The following SGCZ variants were observed in gnomAD, a reference collection of about 807,000 sequenced individuals.
SGCZ encodes sarcoglycan zeta, also known as zeta-sarcoglycan.
Under a neutral mutation model 41.3 loss-of-function variants are expected in SGCZ, and 40 were observed. The observed-to-expected ratio is 0.97, with a 90% CI of 0.75 to 1.26. The LOEUF (loss-of-function observed/expected upper bound fraction) is 1.26, where lower values mean the gene tolerates loss of function less well. SGCZ is among the 50% of genes most tolerant of loss of function. The probability of loss-of-function intolerance (pLI) is 0.00; values close to 1 mark genes in which losing one functional copy is unlikely to be tolerated. For synonymous variants in SGCZ, 206 were observed against 137.5 expected (o/e 1.50, Z -3.49); for missense variants, 552 against 369.8 (o/e 1.49, Z -4.04).
At chr8:15,170,487 T>C (rs903530556) in intron 1 of SGCZ, among the ~76,000 whole-genome samples, 1 of 152,196 alleles carries the variant, frequency 6.6e-6, no homozygotes, top group South Asian at 2.1e-4. Context: ...TCAGAGACCA[T>C]TCTGTGACCA....
intron 2 of SGCZ, among the ~76,000 whole-genome samples, chr8:14,503,027 A>G (rs113014289): frequency 0.013 from 1,980 of 152,300 alleles, 26 homozygotes; most frequent in South Asian, 0.027. Context: ...TCACAATAGC[A>G]AAGACTTGCA....
chr8:15,234,065 T>C (rs1167299831), intron 1 of SGCZ, among the ~76,000 whole-genome samples: 1 of 152,232 alleles, frequency 6.6e-6, no homozygotes, highest in Non-Finnish European at 1.5e-5. Flanking sequence ...TCATAGACTT[T>C]ATTATAACTG....
intron 5 of SGCZ, among the ~76,000 whole-genome samples, chr8:14,151,338 C>T (rs1803703054): frequency 6.6e-6 from 1 of 151,534 alleles, no homozygotes; most frequent in Admixed American, 6.6e-5. Context: ...AAAATTAAAC[C>T]ATACTATTTA....
chr8:14,632,419 T>G (rs1806688517), intron 1 of SGCZ, among the ~76,000 whole-genome samples: 1 of 152,066 alleles, frequency 6.6e-6, no homozygotes, highest in Non-Finnish European at 1.5e-5. Flanking sequence ...AAAAAATTAT[T>G]TAAGGTAGCT....
At chr8:14,147,822 T>C (rs1803574115) in intron 5 of SGCZ, among the ~76,000 whole-genome samples, 1 of 152,072 alleles carries the variant, frequency 6.6e-6, no homozygotes, top group Non-Finnish European at 1.5e-5. Flanking sequence ...AAAACAAGTC[T>C]GAAAACATTT....
At position 14,087,504 on chromosome 8, in the gene SGCZ, A is replaced by G. The variant is rs1177718500; in HGVS notation, c.*2939T>C. Among the ~76,000 whole-genome samples, 3 of 151,562 alleles carry G rather than the reference A, an allele frequency of 2.0e-5. No individual in the cohort carries two copies. Among genetic ancestry groups the G allele is most frequent in the African/African-American group, 7.3e-5 (3 of 41,340 alleles). On this transcript the variant is annotated 3_prime_UTR_variant, in exon 8 of 8. Transcript: ENST00000382080. ...GTTTGTTCCTTCCTGGCGTACACTG[A>G]GTATGAAGTTATTAAGATACGGGTA...
intron 3 of SGCZ, among the ~76,000 whole-genome samples, chr8:14,253,879 C>G (rs1018064407): frequency 2.0e-5 from 3 of 151,978 alleles, no homozygotes; most frequent in African/African-American, 7.2e-5. Flanking sequence ...GAGAAATAAC[C>G]ATAGGACTTT....
At chr8:14,790,992 C>T (rs946066344) in intron 1 of SGCZ, among the ~76,000 whole-genome samples, 8 of 149,936 alleles carry the variant, frequency 5.3e-5, no homozygotes, top group African/African-American at 2.0e-4. Flanking sequence ...GATCACACCA[C>T]TGTCCTCAAG....
intron 1 of SGCZ, among the ~76,000 whole-genome samples, chr8:14,857,123 G>A (rs1211897253): frequency 3.3e-5 from 5 of 152,016 alleles, no homozygotes; most frequent in South Asian, 2.1e-4. Flanking sequence ...AGTGCGTAGC[G>A]CCTCCCTCCT....
At chr8:14,774,520 T>C (rs1296931709) in intron 1 of SGCZ, among the ~76,000 whole-genome samples, 1 of 152,218 alleles carries the variant, frequency 6.6e-6, no homozygotes, top group Non-Finnish European at 1.5e-5. Flanking sequence ...GCAGCCCTTA[T>C]GGCTTCTCCC....
intron 1 of SGCZ, among the ~76,000 whole-genome samples, chr8:14,763,499 T>C (rs560368180): frequency 6.6e-6 from 1 of 152,194 alleles, no homozygotes; most frequent in Non-Finnish European, 1.5e-5. Flanking sequence ...GCACTGGATG[T>C]TTCTTAGCTC....
Position 14,202,890 on chromosome 8 carries a change from G to A in SGCZ, c.424+34702C>T, listed in dbSNP as rs11992674. ...AAATCTCATCTTAAATTATAACTCC[G>A]ACAATTCCCACATCTTGTGGGAGGA... On this transcript the variant is annotated intron_variant, in intron 4 of 7. Coordinates refer to ENST00000382080, the MANE Select transcript of SGCZ (RefSeq NM_139167.4). 2.3e-3 allele frequency among the ~76,000 whole-genome samples: 352 copies of A among 152,204 alleles called. 3 individuals carry two copies. Among genetic ancestry groups the A allele is most frequent in the African/African-American group, 7.8e-3 (322 of 41,532 alleles).
chr8:14,229,407 G>A (rs1206253013), intron 4 of SGCZ, among the ~76,000 whole-genome samples: 1 of 151,974 alleles, frequency 6.6e-6, no homozygotes, highest in Non-Finnish European at 1.5e-5. Flanking sequence ...TCCTTGTCCT[G>A]ATATCACAGG....
intron 2 of SGCZ, among the ~76,000 whole-genome samples, chr8:14,393,416 A>C (rs1804856515): frequency 6.6e-6 from 1 of 152,152 alleles, no homozygotes; most frequent in South Asian, 2.1e-4. Flanking sequence ...ATGTACTATA[A>C]AGAGCAGACA....
rs184689935 is a variant in SGCZ, at chr8:14,753,112, T to A, written c.40-198186A>T. ...CTATCATCAGTCTTGGAGGCAAATATGTGGGCTAATCTCACGTGCATTTCT... is the reference window on the plus strand; with the variant it reads ...CTATCATCAGTCTTGGAGGCAAATAAGTGGGCTAATCTCACGTGCATTTCT... On this transcript the variant is annotated intron_variant, in intron 1 of 7. Coordinates refer to ENST00000382080, the MANE Select transcript of SGCZ (RefSeq NM_139167.4). Among the ~76,000 whole-genome samples, 4 of 152,316 alleles carry A rather than the reference T, an allele frequency of 2.6e-5. No homozygotes were observed. The East Asian group carries it at 5.8e-4, about 22-fold the overall frequency.
At chr8:14,976,296 T>C (rs1196044952) in intron 1 of SGCZ, among the ~76,000 whole-genome samples, 1 of 151,904 alleles carries the variant, frequency 6.6e-6, no homozygotes, top group Non-Finnish European at 1.5e-5. Flanking sequence ...GTGCTAGGAT[T>C]ACAGGTGTCA....
intron 1 of SGCZ, among the ~76,000 whole-genome samples, chr8:14,966,207 C>T (rs528612971): frequency 2.0e-5 from 3 of 151,706 alleles, no homozygotes; most frequent in South Asian, 4.2e-4. Flanking sequence ...GCAAGAATGA[C>T]TCCTATAAGA....
intron 6 of SGCZ, among the ~76,000 whole-genome samples, chr8:14,104,520 G>A (rs1277980450): frequency 4.6e-5 from 7 of 152,042 alleles, no homozygotes; most frequent in Non-Finnish European, 1.0e-4. Flanking sequence ...GTTGCAAGAG[G>A]CAATTATTAA....
chr8:14,986,230 C>T (rs1356970832), intron 1 of SGCZ, among the ~76,000 whole-genome samples: 2 of 152,134 alleles, frequency 1.3e-5, no homozygotes, highest in Non-Finnish European at 2.9e-5. Context: ...ACAATATATA[C>T]ATGTACAGAA....
Sources: gnomAD v4.1 joint callset for allele counts (sites outside exome capture counted in the v4.1 genomes callset) on GRCh38, gnomAD v4.1.1 for gene constraint, MANE v1.5 for transcripts, NCBI Gene and HGNC (gene_info 2026-07-23, HGNC 2026-07-21) for gene names.